ARHGEF4: variants seen among roughly 807,000 people sequenced by gnomAD.
ARHGEF4 encodes Rho guanine nucleotide exchange factor 4, also known as APC-stimulated guanine nucleotide exchange factor 1.
A neutral mutation model predicts 162.0 loss-of-function variants in ARHGEF4; 119 were observed. That is an observed-to-expected ratio of 0.73 (90% CI 0.63 to 0.86). ARHGEF4 has a LOEUF of 0.86. Among genes scored for constraint, ARHGEF4 ranks in the 40% least tolerant of loss-of-function variants. The pLI is 0.00. For missense variants in ARHGEF4, 2,488 were observed against 2,456.0 expected (o/e 1.01, Z -0.28); for synonymous variants, 1,014 against 979.9 (o/e 1.03, Z -0.65).
intron 1 of ARHGEF4, among the ~76,000 whole-genome samples, chr2:130,903,842 C>T (rs1680656231): frequency 6.6e-6 from 1 of 152,192 alleles, no homozygotes; most frequent in Non-Finnish European, 1.5e-5. Context: ...TCCATTTACA[C>T]AAAGGATTTG....
chr2:130,933,322 TTTGA>T (rs1682752887), intron 3 of ARHGEF4, among the ~76,000 whole-genome samples: 1 of 152,232 alleles, frequency 6.6e-6, no homozygotes, highest in Admixed American at 6.5e-5. Context: ...ACCACATTGT[TTTGA>T]TTATCATAGT....
chr2:130,991,723 T>A (rs1327401315), intron 4 of ARHGEF4, among the ~76,000 whole-genome samples: 1 of 152,142 alleles, frequency 6.6e-6, no homozygotes, highest in Non-Finnish European at 1.5e-5. Context: ...GCCTGAGCCT[T>A]CCCCCGCCTC....
intron 4 of ARHGEF4, among the ~76,000 whole-genome samples, chr2:130,948,246 T>A (rs1438753880): frequency 6.6e-6 from 1 of 152,224 alleles, no homozygotes; most frequent in African/African-American, 2.4e-5. Flanking sequence ...CTGCTCAGAT[T>A]AGCTGGTGGA....
chr2:131,038,337 C>T (rs1012831179), intron 5 of ARHGEF4, among the ~76,000 whole-genome samples: 1 of 150,732 alleles, frequency 6.6e-6, no homozygotes, highest in Non-Finnish European at 1.5e-5. Context: ...TGCAGCCTTG[C>T]AGCCCCCAGG....
Position 130,917,112 on chromosome 2 carries a change from C to T in ARHGEF4, c.3166C>T (p.Pro1056Ser). Residue 1056 changes from proline to serine, a missense_variant, in exon 2 of 14, where the codon CCC becomes TCC. Pro to Ser is a moderately conservative substitution (Grantham distance 74). Around this residue, in one of 6 missense-constraint regions of ARHGEF4, gnomAD observed 1,642 missense variants for 1,481.5 expected, o/e 1.11. Coordinates refer to ENST00000409359, the MANE Select transcript of ARHGEF4 (RefSeq NM_001367493.1). ...IFPEKSWLAS[P>S]GSPRAQQAGI... The stretch of plus-strand genomic sequence containing the variant: ...TCCGGAAAAGTCCTGGCTGGCGTCC[C>T]CCGGCAGCCCTCGGGCCCAGCAGGC... The T allele has an allele frequency of 6.4e-7, 1 of 1,550,476 alleles. No homozygotes were observed. Among genetic ancestry groups the T allele is most frequent in the Non-Finnish European group, 8.7e-7 (1 of 1,146,980 alleles).
intron 11 of ARHGEF4, 71 bp from the exon 12 acceptor site, chr2:131,044,228 G>A: frequency 2.5e-6 from 4 of 1,578,450 alleles, no homozygotes; most frequent in East Asian, 4.6e-5. Context: ...GCTGGGGAGA[G>A]GAGGTGGGAG....
chr2:131,040,572 T>TG, intron 8 of ARHGEF4, 132 bp downstream of exon 8: 1 of 1,032,462 alleles, frequency 9.7e-7, no homozygotes, highest in South Asian at 1.7e-5. Context: ...GCCCTCTATC[T>TG]GCCCCGCTGC....
intron 5 of ARHGEF4, among the ~76,000 whole-genome samples, chr2:131,036,088 T>C (rs1573683519): frequency 6.6e-6 from 1 of 152,238 alleles, no homozygotes; most frequent in Non-Finnish European, 1.5e-5. Context: ...AGAGGCAGCC[T>C]GGACTCCTTG....
chr2:130,899,693 A>G (rs1478231576), intron 1 of ARHGEF4, among the ~76,000 whole-genome samples: 1 of 152,154 alleles, frequency 6.6e-6, no homozygotes, highest in Non-Finnish European at 1.5e-5. Context: ...AGGCTGGCAC[A>G]CTGCTTAGGA....
At chr2:130,940,343 A>T (rs749247218) in intron 3 of ARHGEF4, among the ~76,000 whole-genome samples, 17 of 152,078 alleles carry the variant, frequency 1.1e-4, no homozygotes, top group Non-Finnish European at 2.1e-4. Context: ...AGGGAAGCGT[A>T]GTTCAAATAG....
Position 131,044,341 on chromosome 2 carries a change from G to A in ARHGEF4, c.5200G>A (p.Asp1734Asn). 5 of 1,608,722 alleles carry A rather than the reference G, an allele frequency of 3.1e-6. No homozygotes were observed. The highest frequency in any genetic ancestry group is 4.2e-6 in the Non-Finnish European group (5 of 1,178,030). ...CGTGTTGTACTACAAGGGCCGGCTG[G>A]ACATGGACGGCCTGGAGGTGGTGGA... ...RDVLYYKGRL[D>N]MDGLEVVDLE... Residue 1734 changes from aspartate to asparagine, a missense_variant, in exon 12 of 14, where the codon GAC becomes AAC. Around this residue, in one of 6 missense-constraint regions of ARHGEF4, gnomAD observed 415 missense variants for 512.4 expected, o/e 0.81. Coordinates refer to ENST00000409359, the MANE Select transcript of ARHGEF4 (RefSeq NM_001367493.1).
chr2:131,016,060 C>T (rs1008547965), intron 4 of ARHGEF4, among the ~76,000 whole-genome samples: 25 of 152,262 alleles, frequency 1.6e-4, no homozygotes, highest in African/African-American at 6.0e-4. Context: ...CACTCTACTC[C>T]AGCCACTCTG....
intron 1 of ARHGEF4, among the ~76,000 whole-genome samples, chr2:130,885,525 AG>A (rs1402328113): frequency 1.4e-5 from 2 of 143,042 alleles, no homozygotes; most frequent in African/African-American, 5.1e-5. Context: ...GAGGGGGGTG[AG>A]GGCATATTCA....
chr2:130,939,056 G>T (rs939877609), intron 3 of ARHGEF4, among the ~76,000 whole-genome samples: 2 of 152,104 alleles, frequency 1.3e-5, no homozygotes, highest in African/African-American at 4.8e-5. Context: ...CCCTCCTCCT[G>T]CCCTCCACCC....
intron 4 of ARHGEF4, among the ~76,000 whole-genome samples, chr2:131,026,956 C>T (rs1189821601): frequency 2.0e-5 from 3 of 152,144 alleles, no homozygotes; most frequent in East Asian, 1.9e-4. Context: ...TGCCACATTG[C>T]GTAAGCAATA....
intron 4 of ARHGEF4, among the ~76,000 whole-genome samples, chr2:130,977,424 G>A (rs1282793273): frequency 6.6e-6 from 1 of 151,538 alleles, no homozygotes; most frequent in Non-Finnish European, 1.5e-5. Flanking sequence ...GGGTGTGTTT[G>A]TGTTTTCTAT....
intron 1 of ARHGEF4, among the ~76,000 whole-genome samples, chr2:130,856,636 T>G (rs763261731): frequency 6.6e-6 from 1 of 152,122 alleles, no homozygotes; most frequent in Non-Finnish European, 1.5e-5. Flanking sequence ...AGAAAGTGAT[T>G]GCGGAAAATA....
intron 4 of ARHGEF4, among the ~76,000 whole-genome samples, chr2:130,960,639 A>G (rs976881763): frequency 7.9e-5 from 12 of 152,196 alleles, no homozygotes; most frequent in African/African-American, 2.9e-4. Flanking sequence ...AACCTACCAT[A>G]TGATGGTAAA....
At chr2:131,019,800 AT>A (rs1300727122) in intron 4 of ARHGEF4, among the ~76,000 whole-genome samples, 1 of 151,860 alleles carries the variant, frequency 6.6e-6, no homozygotes, top group Non-Finnish European at 1.5e-5. Context: ...CGGCCGGCTA[AT>A]TTTTTTGTAT....
Sources: allele counts gnomAD v4.1 joint callset (sites outside exome capture counted in the v4.1 genomes callset), GRCh38; gene constraint gnomAD v4.1.1; regional missense constraint gnomAD v4.1.1; transcripts MANE v1.5; gene names NCBI Gene and HGNC (gene_info 2026-07-23, HGNC 2026-07-21).